The following SH3BP2 variants were observed in gnomAD, a reference collection of about 807,000 sequenced individuals.
The protein encoded by SH3BP2 is SH3 domain-binding protein 2.
A neutral mutation model predicts 56.2 loss-of-function variants in SH3BP2; 38 were observed. The ratio of observed to expected loss-of-function variants is 0.68; its 90% CI spans 0.52 to 0.89. The LOEUF is 0.89. Among genes scored for constraint, SH3BP2 ranks in the 40% least tolerant of loss-of-function variants. SH3BP2 has a pLI of 0.00. For missense variants in SH3BP2, 748 were observed against 762.6 expected (o/e 0.98, Z 0.23); for synonymous variants, 346 against 316.7 (o/e 1.09, Z -0.98).
intron 1 of SH3BP2, among the ~76,000 whole-genome samples, chr4:2,818,557 G>A (rs988867241): frequency 2.6e-5 from 4 of 152,206 alleles, no homozygotes; most frequent in East Asian, 1.9e-4. Flanking sequence ...CCCGGCGGGC[G>A]GATGGGGGAC....
chr4:2,820,241 T>A (rs1560104237), intron 1 of SH3BP2, among the ~76,000 whole-genome samples: 1 of 152,224 alleles, frequency 6.6e-6, no homozygotes, highest in Non-Finnish European at 1.5e-5. Context: ...AGTTATGGCC[T>A]GAGGTCTCAC....
At position 2,833,827 on chromosome 4, in the gene SH3BP2, C is replaced by A; in HGVS notation, c.1679C>A (p.Pro560His). ...LLRHPYGYTG[P>H]R ...CGGCACCCCTACGGCTACACTGGGC[C>A]TAGGTGATGGCAGTCCATGTGGCTG... is the stretch of plus-strand genomic sequence containing the variant. The change falls in exon 13 of 13, where the codon CCT becomes CAT. Residue 560 changes from proline (P) to histidine (H), a missense_variant. Pro to His is a moderately conservative substitution (Grantham distance 77). Transcript: ENST00000503393. 2 of 1,572,134 alleles carry A rather than the reference C, an allele frequency of 1.3e-6. No homozygotes were observed. Among genetic ancestry groups the A allele is most frequent in the Non-Finnish European group, 1.7e-6 (2 of 1,159,708 alleles).
intron 1 of SH3BP2, chr4:2,812,093 A>C (rs1398187917): frequency 8.8e-7 from 1 of 1,141,634 alleles, no homozygotes; most frequent in African/African-American, 1.6e-5. Context: ...CTGGCCTCTG[A>C]CCACAGGATG....
chr4:2,831,565 C>A lies in SH3BP2; in HGVS notation c.1242-6C>A. Reference sequence around the variant, plus strand: ...TGGTCCTGCCTTCCTCTCCCTGCCCCTCCAGGCGATCACCCCCCGATGGGC... The same window carrying A: ...TGGTCCTGCCTTCCTCTCCCTGCCCATCCAGGCGATCACCCCCCGATGGGC... On this transcript the variant is annotated splice_region_variant and splice_polypyrimidine_tract_variant and intron_variant, in intron 8 of 12. Transcript: ENST00000503393. The surrounding 1 kb of genome is among the most constrained non-coding windows in gnomAD (Gnocchi z 4.1). 1 of 1,569,732 alleles carries A rather than the reference C, an allele frequency of 6.4e-7. No homozygotes were observed. The highest frequency in any genetic ancestry group is 2.4e-5 in the East Asian group (1 of 42,284).
chr4:2,828,117 G>C (rs1051701592), intron 7 of SH3BP2, among the ~76,000 whole-genome samples: 7 of 151,346 alleles, frequency 4.6e-5, no homozygotes, highest in Non-Finnish European at 8.8e-5. Context: ...CAAAGAGACA[G>C]GCTGATACAG....
chr4:2,797,391 G>A (rs1723100026), intron 1 of SH3BP2, among the ~76,000 whole-genome samples: 1 of 152,190 alleles, frequency 6.6e-6, no homozygotes, highest in South Asian at 2.1e-4. Flanking sequence ...CCAGCCCCGG[G>A]CCCCACTCAT....
chr4:2,812,192 C>T (rs1369123930), intron 1 of SH3BP2: 1 of 1,448,118 alleles, frequency 6.9e-7, no homozygotes, highest in Admixed American at 2.5e-5. Context: ...CAGGACCTCA[C>T]AGGGTAGAAG....
At position 2,836,578 on chromosome 4, in the gene SH3BP2, CCCCTGCCTGGCTCCCTGCCAGGCT is replaced by C. The variant is rs1560116926; in HGVS notation, c.*2752_*2775del. On this transcript the variant is annotated 3_prime_UTR_variant, in exon 13 of 13. Transcript: ENST00000503393. ...TCACTGCTCTGAGCCTAGACCCTGGCCCCTGCCTGGCTCCCTGCCAGGCTCCCTGCCACCCCTCACGACCTCTGA... is the reference window on the plus strand; with the variant it reads ...TCACTGCTCTGAGCCTAGACCCTGGCCCCTGCCACCCCTCACGACCTCTGA... 1 of 152,330 alleles carries C rather than the reference CCCCTGCCTGGCTCCCTGCCAGGCT, an allele frequency of 6.6e-6. No individual in the cohort carries two copies. The highest frequency in any genetic ancestry group is 1.5e-5 in the Non-Finnish European group (1 of 68,102). The allele number at this position is 152,330 out of a possible 1,614,324, so 9.4% of individuals were successfully genotyped here. A position where few individuals can be genotyped will look rare whatever the true frequency, so the allele number is the denominator to read the frequency against.
At chr4:2,796,300 C>T in intron 1 of SH3BP2, 2 of 509,424 alleles carry the variant, frequency 3.9e-6, no homozygotes, top group Non-Finnish European at 5.1e-6. Flanking sequence ...CTGGGTCAGA[C>T]AGGAGTTCGA....
intron 1 of SH3BP2, among the ~76,000 whole-genome samples, chr4:2,815,487 C>G (rs1560101925): frequency 6.6e-6 from 1 of 152,256 alleles, no homozygotes; most frequent in Non-Finnish European, 1.5e-5. Context: ...GAGCCCCTCA[C>G]AGGCCTGCCC....
rs1324247214 is a variant in SH3BP2 at position 2,831,787 on chromosome 4, C to G, written c.1350+108C>G. On this transcript the variant is annotated intron_variant, in intron 9 of 12. Transcript: ENST00000503393. This position sits in a 1 kb window ranked among gnomAD's most constrained non-coding sequence, Gnocchi z 4.1. ...ACAGACCGTCCTGAGCAAGGACCCC[C>G]CGAGAACCCGGGAGCCTAGGGGGAC... 7 of 1,359,064 alleles carry G rather than the reference C, an allele frequency of 5.2e-6. No homozygotes were observed. The highest frequency in any genetic ancestry group is 7.2e-6 in the Non-Finnish European group (7 of 970,726). The allele number at this position is 1,359,064 out of a possible 1,614,324, so 84.2% of individuals were successfully genotyped here.
intron 3 of SH3BP2, chr4:2,823,469 C>T: frequency 2.2e-6 from 1 of 458,164 alleles, no homozygotes; most frequent in South Asian, 1.5e-5. Flanking sequence ...CTCCAGGGTC[C>T]TCCCAGGCCG....
chr4:2,812,319 AG>A, intron 1 of SH3BP2: 1 of 1,549,520 alleles, frequency 6.5e-7, no homozygotes, highest in Admixed American at 2.0e-5. Context: ...CTGTGGGCAC[AG>A]CTGTGGGGCA....
rs780771863 is a variant in SH3BP2, at chr4:2,831,930, T to G, written c.1358T>G (p.Leu453Arg). 3 of 1,612,916 alleles carry G rather than the reference T, an allele frequency of 1.9e-6. No homozygotes were observed. The highest frequency in any genetic ancestry group is 1.7e-6 in the Non-Finnish European group (2 of 1,180,012). The part of the protein sequence containing the change: ...DSDEDYEKVP[L>R]PNSVFVNTTE... ...ACCGTCAGCCTCTTGCAGGTGCCAC[T>G]GCCCAACTCGGTCTTCGTCAACACC... Residue 453 changes from leucine to arginine, a missense_variant, in exon 10 of 13, where the codon CTG (leucine) becomes CGG (arginine). Leu to Arg is a moderately radical substitution (Grantham distance 102). Around this residue, in one of 3 missense-constraint regions of SH3BP2, gnomAD observed 635 missense variants for 615.0 expected, o/e 1.03. Coordinates refer to ENST00000503393, the MANE Select transcript of SH3BP2 (RefSeq NM_001122681.2). The surrounding 1 kb of genome is among the most constrained non-coding windows in gnomAD (Gnocchi z 4.1).
intron 12 of SH3BP2, 113 bp from the exon 13 acceptor site, chr4:2,833,584 C>A: frequency 7.1e-7 from 1 of 1,408,660 alleles, no homozygotes; most frequent in Non-Finnish European, 9.8e-7. Context: ...CAGGGGCCAG[C>A]CTGGTGATGC....
Position 2,829,790 on chromosome 4 carries a change from C to T in SH3BP2, c.884C>T (p.Pro295Leu). Reference protein sequence around the residue: ...MPTAPGLRKPPCFRESASPSP... With the variant: ...MPTAPGLRKPLCFRESASPSP... ...ACCGCACCCGGCCTCCGGAAACCCC[C>T]TTGCTTCCGGGAGAGTGCCAGCCCC... The change falls in exon 8 of 13, where the codon CCT (proline) becomes CTT (leucine). Residue 295 changes from proline (P) to leucine (L), a missense_variant. Pro to Leu is a moderately conservative substitution (Grantham distance 98). This residue lies in a region of SH3BP2 where 635 missense variants were observed against 615.0 expected (regional missense o/e 1.03). Transcript: ENST00000503393. This position sits in a 1 kb window ranked among gnomAD's most constrained non-coding sequence, Gnocchi z 4.9. 4 of 1,613,256 alleles carry T rather than the reference C, an allele frequency of 2.5e-6. No homozygotes were observed. The highest frequency in any genetic ancestry group is 3.4e-6 in the Non-Finnish European group (4 of 1,179,902).
At position 2,825,192 on chromosome 4, in the gene SH3BP2, ACCAGGTGAGCCCGGGC is replaced by A; in HGVS notation, c.428+2_428+17del. 1 of 1,578,188 alleles carries A rather than the reference ACCAGGTGAGCCCGGGC, an allele frequency of 6.3e-7. No homozygotes were observed. The highest frequency in any genetic ancestry group is 8.6e-7 in the Non-Finnish European group (1 of 1,161,834). On this transcript the variant is annotated splice_donor_variant and splice_donor_5th_base_variant and coding_sequence_variant and intron_variant, in exon 5 of 13. Coordinates refer to ENST00000503393, the MANE Select transcript of SH3BP2 (RefSeq NM_001122681.2). LOFTEE classifies it high-confidence loss of function. ...CGAAAAGAAAGACCTGCCCTTGGAC[ACCAGGTGAGCCCGGGC>A]CCAGGGCATACCGGGCAGTGAGGGT...
intron 3 of SH3BP2, 47 bp from the exon 4 acceptor site, chr4:2,824,566 C>G (rs1192747740): frequency 7.1e-7 from 1 of 1,415,122 alleles, no homozygotes; most frequent in Non-Finnish European, 1.0e-6. Flanking sequence ...GGAAGGCCAT[C>G]CCTATAGCTG....
In SH3BP2 at chr4:2,833,855, AGGCCAAGGCAG is replaced by A; in HGVS notation, c.*22_*32del. On this transcript the variant is annotated 3_prime_UTR_variant, in exon 13 of 13. Transcript: ENST00000503393. ...GGTGATGGCAGTCCATGTGGCTGCCAGGCCAAGGCAGTCACAGGGGCCCTGACCCCAGGCCA... is the reference window on the plus strand; with the variant it reads ...GGTGATGGCAGTCCATGTGGCTGCCATCACAGGGGCCCTGACCCCAGGCCA... 1 of 1,547,160 alleles carries A rather than the reference AGGCCAAGGCAG, an allele frequency of 6.5e-7. No homozygotes were observed. Among genetic ancestry groups the A allele is most frequent in the Non-Finnish European group, 8.7e-7 (1 of 1,147,356 alleles).
Sources: gnomAD v4.1 joint callset for allele counts (sites outside exome capture counted in the v4.1 genomes callset) on GRCh38, gnomAD v4.1.1 for gene constraint, gnomAD v4.1.1 regional missense constraint, Gnocchi (gnomAD v3.1) non-coding constraint, MANE v1.5 for transcripts, NCBI Gene and HGNC (gene_info 2026-07-23, HGNC 2026-07-21) for gene names.